LMX1A: variants seen among roughly 807,000 people sequenced by gnomAD.
LMX1A encodes LIM homeobox transcription factor 1-alpha.
In LMX1A, 15 loss-of-function variants were observed where a neutral mutation model predicts 49.1. The ratio of observed to expected loss-of-function variants is 0.31; its 90% confidence interval spans 0.20 to 0.47. The LOEUF (loss-of-function observed/expected upper bound fraction) is 0.47. Ranked by LOEUF, LMX1A falls within the 20% of genes least tolerant of loss-of-function variation. The pLI, the probability that LMX1A is intolerant of heterozygous loss-of-function variation, is 1.00. For missense variants in LMX1A, 372 were observed against 475.8 expected, an observed-to-expected ratio of 0.78 and a Z score of 2.03; for synonymous variants, 167 against 185.7, an observed-to-expected ratio of 0.90 and a Z score of 0.82.
At chr1:165,254,995 T>C (rs1222537155) in intron 3 of LMX1A, among the ~76,000 whole-genome samples, 1 of 152,228 alleles carries the variant, frequency 6.6e-6, no homozygotes, top group Non-Finnish European at 1.5e-5. Context: ...AAAGCATCCA[T>C]GGCAGTACTA....
intron 3 of LMX1A, among the ~76,000 whole-genome samples, chr1:165,258,274 G>A (rs149961483): frequency 2.4e-4 from 36 of 152,324 alleles, no homozygotes; most frequent in African/African-American, 7.9e-4. Context: ...GAGAGATGGT[G>A]AGAGAAGGGT....
chr1:165,303,612 C>T (rs1014380464), intron 3 of LMX1A, among the ~76,000 whole-genome samples: 17 of 152,190 alleles, frequency 1.1e-4, no homozygotes, highest in African/African-American at 4.1e-4. Flanking sequence ...CTCCAGACAT[C>T]GCCTACGCCT....
chr1:165,349,555 T>C (rs1656351640), intron 3 of LMX1A, among the ~76,000 whole-genome samples: 4 of 152,256 alleles, frequency 2.6e-5, no homozygotes, highest in East Asian at 1.9e-4. Flanking sequence ...ATAACAATTA[T>C]AGCCTTCAGT....
intron 3 of LMX1A, among the ~76,000 whole-genome samples, chr1:165,263,080 C>T (rs1653495160): frequency 6.6e-6 from 1 of 152,186 alleles, no homozygotes; most frequent in African/African-American, 2.4e-5. Flanking sequence ...ACCAATTTCT[C>T]CTCATCTCCC....
intron 4 of LMX1A, among the ~76,000 whole-genome samples, chr1:165,246,021 A>G (rs145722605): frequency 1.8e-4 from 27 of 152,052 alleles, no homozygotes; most frequent in Middle Eastern, 3.4e-3. Flanking sequence ...TCAAACACCT[A>G]CAATATATAC....
chr1:165,270,893 G>C (rs1473709103), intron 3 of LMX1A, among the ~76,000 whole-genome samples: 2 of 152,174 alleles, frequency 1.3e-5, no homozygotes, highest in Non-Finnish European at 2.9e-5. Flanking sequence ...CTCCTTTTCT[G>C]ATGGTTTCAA....
chr1:165,221,003 T>C (rs1240075173), intron 4 of LMX1A, among the ~76,000 whole-genome samples: 1 of 152,202 alleles, frequency 6.6e-6, no homozygotes, highest in Non-Finnish European at 1.5e-5. Context: ...GTTTCACTGT[T>C]TCTACCACAA....
intron 3 of LMX1A, among the ~76,000 whole-genome samples, chr1:165,283,316 T>G (rs1399728743): frequency 1.3e-5 from 2 of 152,220 alleles, no homozygotes; most frequent in East Asian, 3.9e-4. Flanking sequence ...CATCTAGGTT[T>G]GAGTAAGTAC....
Position 165,204,129 on chromosome 1 carries a change from G to A in LMX1A, c.989-89C>T. Reference sequence around the variant, plus strand: ...TATTCAGCTGAATTCAACAAGTGTTGCCTGAGCACAGGCTCCAGGTGAAAC... The same window carrying A: ...TATTCAGCTGAATTCAACAAGTGTTACCTGAGCACAGGCTCCAGGTGAAAC... On this transcript the variant is annotated intron_variant, in intron 8 of 8. Coordinates refer to ENST00000342310, the MANE Select transcript of LMX1A (RefSeq NM_177398.4). 5 of 1,398,496 alleles carry A rather than the reference G, an allele frequency of 3.6e-6. No homozygotes were observed. The East Asian group carries it at 9.2e-5, about 26-fold the overall frequency. The allele number at this position is 1,398,496 out of a possible 1,614,324, so 86.6% of individuals were successfully genotyped here.
At chr1:165,339,185 G>A (rs139828343) in intron 3 of LMX1A, among the ~76,000 whole-genome samples, 2 of 152,362 alleles carry the variant, frequency 1.3e-5, no homozygotes, top group East Asian at 3.9e-4. Flanking sequence ...GTCTGGGGAA[G>A]TAAACATATT....
chr1:165,232,055 C>T (rs968281853), intron 4 of LMX1A, among the ~76,000 whole-genome samples: 1 of 152,196 alleles, frequency 6.6e-6, no homozygotes, highest in Non-Finnish European at 1.5e-5. Flanking sequence ...TGCCATGGTG[C>T]TTGGGTATAC....
At chr1:165,240,093 A>G (rs1377820547) in intron 4 of LMX1A, among the ~76,000 whole-genome samples, 1 of 152,218 alleles carries the variant, frequency 6.6e-6, no homozygotes, top group East Asian at 1.9e-4. Context: ...AATAGACAAT[A>G]TCAGCACATA....
intron 3 of LMX1A, among the ~76,000 whole-genome samples, chr1:165,305,202 G>A (rs954840594): frequency 1.3e-5 from 2 of 152,184 alleles, no homozygotes; most frequent in Admixed American, 1.3e-4. Context: ...CTAGTCAACA[G>A]GTAGCGGTAA....
At position 165,266,897 on chromosome 1, in the gene LMX1A, GGCTTGCTT is replaced by G. The variant is rs139379825; in HGVS notation, c.264-17265_264-17258del. ...ATTACAGGCGTGAGCCACTGTGCCC[GGCTTGCTT>G]GCTTGCTTGCTTGCTTGCTTTCTCT... On this transcript the variant is annotated intron_variant, in intron 3 of 8. Transcript: ENST00000342310. 5.2e-4 allele frequency among the ~76,000 whole-genome samples: 79 copies of G among 151,608 alleles called. 1 individual carries two copies. The East Asian group carries it at 7.9e-3, about 15-fold the overall frequency.
chr1:165,286,633 C>T (rs553017319), intron 3 of LMX1A, among the ~76,000 whole-genome samples: 1 of 152,222 alleles, frequency 6.6e-6, no homozygotes, highest in Admixed American at 6.5e-5. Flanking sequence ...CTGCATATTC[C>T]ATTTTTGTAA....
chr1:165,291,812 C>T lies in LMX1A; in HGVS notation c.264-42172G>A, dbSNP rs563319130. On this transcript the variant is annotated intron_variant, in intron 3 of 8. Coordinates refer to ENST00000342310, the MANE Select transcript of LMX1A (RefSeq NM_177398.4). Reference sequence around the variant, plus strand: ...GGCGCGGTGGCTCACGCCTGTAATCCCAGCACTTTGGGAGGCCGAGACGGG... The same window carrying T: ...GGCGCGGTGGCTCACGCCTGTAATCTCAGCACTTTGGGAGGCCGAGACGGG... Among the ~76,000 whole-genome samples, 3 of 152,214 alleles carry T rather than the reference C, an allele frequency of 2.0e-5. No homozygotes were observed. In the East Asian group the frequency reaches 5.8e-4, roughly 29 times the overall value.
intron 4 of LMX1A, among the ~76,000 whole-genome samples, chr1:165,221,963 G>T (rs930793364): frequency 1.4e-5 from 2 of 147,216 alleles, no homozygotes; most frequent in South Asian, 2.2e-4. Flanking sequence ...ACACACACAC[G>T]CTTTCTCTCT....
chr1:165,354,073 T>G (rs1157990090), intron 2 of LMX1A, among the ~76,000 whole-genome samples: 1 of 152,160 alleles, frequency 6.6e-6, no homozygotes, highest in Non-Finnish European at 1.5e-5. Context: ...TTCCTTTAGT[T>G]TGTGGGGGGC....
chr1:165,230,389 T>G (rs1156510386), intron 4 of LMX1A, among the ~76,000 whole-genome samples: 1 of 150,756 alleles, frequency 6.6e-6, no homozygotes, highest in East Asian at 2.0e-4. Context: ...AGCTGTCACT[T>G]AGGCAATGCC....
Sources: allele counts gnomAD v4.1 joint callset (sites outside exome capture counted in the v4.1 genomes callset), GRCh38; gene constraint gnomAD v4.1.1; transcripts MANE v1.5; gene names NCBI Gene and HGNC (gene_info 2026-07-23, HGNC 2026-07-21).